Variants in RASA2 observed in about 807,000 individuals in gnomAD.
RASA2 encodes the protein ras GTPase-activating protein 2.
RASA2 carries 155 observed loss-of-function variants against 118.2 expected under a neutral mutation model. That is an observed-to-expected ratio of 1.31 (90% CI 1.15 to 1.50). RASA2 has a LOEUF of 1.50. RASA2 is among the 40% of genes most tolerant of loss of function. RASA2 has a pLI of 0.00. For missense variants in RASA2, 1,016 were observed against 1,009.6 expected, an observed-to-expected ratio of 1.01 and a Z score of -0.09; for synonymous variants, 353 against 349.1, an observed-to-expected ratio of 1.01 and a Z score of -0.12.
At chr3:141,566,938 A>T (rs529249256) in intron 9 of RASA2, among the ~76,000 whole-genome samples, 52 of 152,280 alleles carry the variant, frequency 3.4e-4, no homozygotes, top group South Asian at 1.0e-3. Flanking sequence ...TGACCTATCT[A>T]CTGAAAATAA....
At chr3:141,590,564 T>G (rs2083272583) in intron 19 of RASA2, among the ~76,000 whole-genome samples, 1 of 152,238 alleles carries the variant, frequency 6.6e-6, no homozygotes, top group Admixed American at 6.5e-5. Flanking sequence ...GGCTTTGCAT[T>G]CTCTGTTTGG....
intron 9 of RASA2, among the ~76,000 whole-genome samples, chr3:141,562,399 G>A (rs1253557434): frequency 4.1e-5 from 6 of 148,138 alleles, no homozygotes; most frequent in Non-Finnish European, 9.0e-5. Context: ...CAAGGCAGGC[G>A]GATCATGAGG....
intron 4 of RASA2, 72 bp from the exon 5 acceptor site, chr3:141,540,461 G>T: frequency 7.9e-7 from 1 of 1,272,668 alleles, no homozygotes; most frequent in Non-Finnish European, 1.1e-6. Context: ...GTGGTGATTT[G>T]AAAAGGCACA....
chr3:141,498,194 G>C (rs748563776), intron 1 of RASA2, among the ~76,000 whole-genome samples: 1 of 152,146 alleles, frequency 6.6e-6, no homozygotes, highest in Non-Finnish European at 1.5e-5. Context: ...TCATGAAGAA[G>C]ATTGTTATTC....
chr3:141,560,164 G>C (rs1297482567), intron 9 of RASA2, among the ~76,000 whole-genome samples, 169 bp downstream of exon 9: 3 of 152,132 alleles, frequency 2.0e-5, no homozygotes, highest in Admixed American at 2.0e-4. Flanking sequence ...TAAATTGTAA[G>C]TTTTATGACT....
intron 19 of RASA2, among the ~76,000 whole-genome samples, chr3:141,589,284 A>G (rs2083252561): frequency 6.6e-6 from 1 of 152,194 alleles, no homozygotes; most frequent in Non-Finnish European, 1.5e-5. Context: ...AGTTAAGGTA[A>G]ATTAGTCATT....
At chr3:141,549,053 T>G (rs1010287712) in intron 5 of RASA2, among the ~76,000 whole-genome samples, 1 of 152,202 alleles carries the variant, frequency 6.6e-6, no homozygotes, top group Non-Finnish European at 1.5e-5. Flanking sequence ...TTAACTGTGC[T>G]TCTCTAATAC....
At chr3:141,549,385 A>T (rs2082536385) in intron 5 of RASA2, among the ~76,000 whole-genome samples, 1 of 151,558 alleles carries the variant, frequency 6.6e-6, no homozygotes, top group Non-Finnish European at 1.5e-5. Flanking sequence ...GCCCACCCAT[A>T]CCCCAGTCCT....
In RASA2 at chr3:141,573,177, G is replaced by C. The variant is rs755002265; in HGVS notation, c.1315G>C (p.Asp439His). The change falls in exon 13 of 24, where the codon GAT (aspartate) becomes CAT (histidine). Residue 439 changes from aspartate (D) to histidine (H), a missense_variant. By Grantham distance (81) the Asp-to-His change is moderately conservative (BLOSUM62 -1). Transcript: ENST00000286364. The stretch of plus-strand genomic sequence containing the variant: ...TGACTCCTCAAAATCCTGTGAAATC[G>C]ATCCTATTAAATTGAAAGAGGGAGA... ...ICDSSKSCEIDPIKLKEGDNV... is the reference protein window; with the variant it reads ...ICDSSKSCEIHPIKLKEGDNV... The C allele has an allele frequency of 6.5e-7, 1 of 1,539,058 alleles. No individual in the cohort carries two copies. Among genetic ancestry groups the C allele is most frequent in the Non-Finnish European group, 8.7e-7 (1 of 1,152,940 alleles).
chr3:141,581,485 G>T (rs770365123), intron 17 of RASA2, among the ~76,000 whole-genome samples: 1 of 152,170 alleles, frequency 6.6e-6, no homozygotes, highest in Non-Finnish European at 1.5e-5. Context: ...TTGATTCTGA[G>T]GGGCTGGCTT....
At chr3:141,535,237 A>G (rs1459107879) in intron 4 of RASA2, among the ~76,000 whole-genome samples, 1 of 152,244 alleles carries the variant, frequency 6.6e-6, no homozygotes, top group Non-Finnish European at 1.5e-5. Context: ...ACTGCAATAT[A>G]GTATAAATGT....
At chr3:141,500,443 A>G (rs1284945474) in intron 1 of RASA2, among the ~76,000 whole-genome samples, 1 of 152,226 alleles carries the variant, frequency 6.6e-6, no homozygotes, top group Non-Finnish European at 1.5e-5. Context: ...TGATTAAATG[A>G]TAAAGGCTAA....
At chr3:141,541,925 G>A (rs2082410925) in intron 5 of RASA2, among the ~76,000 whole-genome samples, 1 of 151,760 alleles carries the variant, frequency 6.6e-6, no homozygotes. Flanking sequence ...AGAGCATATG[G>A]TGAAAGTATC....
chr3:141,514,499 G>A (rs905309020), intron 2 of RASA2, among the ~76,000 whole-genome samples: 1 of 152,124 alleles, frequency 6.6e-6, no homozygotes, highest in Non-Finnish European at 1.5e-5. Flanking sequence ...GATTACATAG[G>A]TGTATACATT....
intron 5 of RASA2, among the ~76,000 whole-genome samples, chr3:141,546,852 C>A (rs1037715959): frequency 1.3e-5 from 2 of 152,064 alleles, no homozygotes; most frequent in African/African-American, 4.8e-5. Flanking sequence ...AGCCTTTAAT[C>A]CATTTTTATT....
rs9819771 is a variant in RASA2 at position 141,572,345 on chromosome 3, G to T, written c.1170-264G>T. On this transcript the variant is annotated intron_variant, in intron 11 of 23. Transcript: ENST00000286364. ...GACTTCAAGCGATCCACCTGCTTCGGACCCCCAAAGTGATGGGATAACAGG... is the reference window on the plus strand; with the variant it reads ...GACTTCAAGCGATCCACCTGCTTCGTACCCCCAAAGTGATGGGATAACAGG... 2.9e-3 allele frequency among the ~76,000 whole-genome samples: 445 copies of T among 152,120 alleles called. 2 individuals carry two copies. Among genetic ancestry groups the T allele is most frequent in the African/African-American group, 9.7e-3 (403 of 41,502 alleles).
At chr3:141,500,892 T>C (rs2081769026) in intron 1 of RASA2, among the ~76,000 whole-genome samples, 1 of 152,176 alleles carries the variant, frequency 6.6e-6, no homozygotes. Context: ...TCTCAGATTT[T>C]AGAGCTATAG....
chr3:141,490,246 C>G (rs547729200), intron 1 of RASA2, among the ~76,000 whole-genome samples: 1 of 149,800 alleles, frequency 6.7e-6, no homozygotes, highest in South Asian at 2.1e-4. Flanking sequence ...GGGGTGTACT[C>G]GACTCCATTC....
At position 141,559,972 on chromosome 3, in the gene RASA2, A is replaced by C. The variant is rs1455561428; in HGVS notation, c.840A>C (p.Arg280Ser). 1 of 1,613,002 alleles carries C rather than the reference A, an allele frequency of 6.2e-7. No individual in the cohort carries two copies. Among genetic ancestry groups the C allele is most frequent in the Non-Finnish European group, 8.5e-7 (1 of 1,179,304 alleles). Residue 280 changes from arginine (R) to serine (S), a missense_variant, in exon 9 of 24, where the codon AGA (arginine) becomes AGC (serine). Physicochemically the swap from Arg to Ser is moderately radical, Grantham distance 110. This residue lies in a region of RASA2 where 896 missense variants were observed against 836.4 expected (regional missense o/e 1.07). Coordinates refer to ENST00000286364, the MANE Select transcript of RASA2 (RefSeq NM_006506.5). Reference protein sequence around the residue: ...GEIKVPVNVLRTDSSHQAWYL... With the variant: ...GEIKVPVNVLSTDSSHQAWYL... ...TTAAGGTTCCTGTGAACGTATTAAGAACTGATTCCTCTCATCAAGCCTGGT... is the reference window on the plus strand; with the variant it reads ...TTAAGGTTCCTGTGAACGTATTAAGCACTGATTCCTCTCATCAAGCCTGGT...
Sources: gnomAD v4.1 joint callset for allele counts (sites outside exome capture counted in the v4.1 genomes callset) on GRCh38, gnomAD v4.1.1 for gene constraint, gnomAD v4.1.1 regional missense constraint, MANE v1.5 for transcripts, NCBI Gene and HGNC (gene_info 2026-07-23, HGNC 2026-07-21) for gene names.